The following TARS1 variants were observed in gnomAD, a reference collection of about 807,000 sequenced individuals.
TARS1 encodes threonine--tRNA ligase 1, cytoplasmic.
Under a neutral mutation model 97.7 loss-of-function variants are expected in TARS1, and 57 were observed. The observed-to-expected ratio is 0.58, with a 90% CI of 0.47 to 0.73. The LOEUF is 0.73. Ranked by LOEUF, TARS1 falls within the 30% of genes least tolerant of loss-of-function variation. The pLI, the probability that TARS1 is intolerant of heterozygous loss-of-function variation, is 0.00. For missense variants in TARS1, 806 were observed against 888.3 expected (o/e 0.91, Z 1.18); for synonymous variants, 312 against 293.7 (o/e 1.06, Z -0.64).
chr5:33,446,597 C>G (rs1374541623), intron 2 of TARS1: 3 of 1,054,192 alleles, frequency 2.8e-6, no homozygotes, highest in Non-Finnish European at 3.9e-6. Flanking sequence ...CCTTGGTCTT[C>G]CCCTCCAAGG....
At position 33,462,080 on chromosome 5, in the gene TARS1, A is replaced by AT. The variant is rs141407192; in HGVS notation, c.1731-9dup. On this transcript the variant is annotated intron_variant, in intron 15 of 18. Coordinates refer to ENST00000265112, the MANE Select transcript of TARS1 (RefSeq NM_152295.5). Reference sequence around the variant, plus strand: ...AAAATATATATAATAAGACAAAACAATTTTTTTTTTCTTTATAGCCATGAT... The same window carrying AT: ...AAAATATATATAATAAGACAAAACAATTTTTTTTTTTCTTTATAGCCATGAT... 7.3e-3 allele frequency: 11,156 copies of AT among 1,520,312 alleles called. 522 individuals are homozygous for AT. The African/African-American group carries it at 0.13, about 17-fold the overall frequency. The allele number at this position is 1,520,312 out of a possible 1,614,324, so 94.2% of individuals were successfully genotyped here.
Position 33,459,868 on chromosome 5 carries a change from G to A in TARS1, c.1250+7G>A, listed in dbSNP as rs1012103763. 2.2e-5 allele frequency: 35 copies of A among 1,601,688 alleles called. No individual in the cohort carries two copies. The highest frequency in any genetic ancestry group is 1.7e-4 in the Middle Eastern group (1 of 6,026). ...TGAACTGCCCAGGACACTGGTATTC[G>A]GCAGCTTTGAATTTCTACTGAAGAT... is the stretch of plus-strand genomic sequence containing the variant. On this transcript the variant is annotated splice_region_variant and intron_variant, in intron 11 of 18. Transcript: ENST00000265112.
At chr5:33,456,535 T>C (rs571919798) in intron 8 of TARS1, among the ~76,000 whole-genome samples, 11 of 152,378 alleles carry the variant, frequency 7.2e-5, no homozygotes, top group Non-Finnish European at 1.6e-4. Context: ...TTGCCCTTTA[T>C]ATGTCTAAAT....
rs1040683558 is a variant in TARS1, at chr5:33,453,191, CAA to C, written c.330-97_330-96del. 4.8e-6 allele frequency: 6 copies of C among 1,260,204 alleles called. No homozygotes were observed. In the African/African-American group the frequency reaches 8.1e-5, roughly 17 times the overall value. The allele number at this position is 1,260,204 out of a possible 1,614,324, so 78.1% of individuals were successfully genotyped here. A position where few individuals can be genotyped will look rare whatever the true frequency, so the allele number is the denominator to read the frequency against. ...ATAGAGATACATCAATATAAAAAAA[CAA>C]TATATAATAAAAATAGTGTTTATTT... On this transcript the variant is annotated intron_variant, in intron 3 of 18. Coordinates refer to ENST00000265112, the MANE Select transcript of TARS1 (RefSeq NM_152295.5).
chr5:33,443,320 C>CCTCTCTCTCTCTCTCTCT lies in TARS1; in HGVS notation c.58-1980_58-1963dup, dbSNP rs769681224. On this transcript the variant is annotated intron_variant, in intron 1 of 18. Coordinates refer to ENST00000265112, the MANE Select transcript of TARS1 (RefSeq NM_152295.5). ...TGTGGTGATTCCCTCTCTCTCTCTC[C>CCTCTCTCTCTCTCTCTCT]CTCTCTCTCTCTCTCTCTCTCTCTC... Among the ~76,000 whole-genome samples, 92 of 118,480 alleles carry CCTCTCTCTCTCTCTCTCT rather than the reference C, an allele frequency of 7.8e-4. 2 individuals carry two copies. Among genetic ancestry groups the CCTCTCTCTCTCTCTCTCT allele is most frequent in the African/African-American group, 1.6e-3 (49 of 31,484 alleles). The allele number at this position is 118,480 out of a possible 152,430, so 77.7% of individuals were successfully genotyped here. A position where few individuals can be genotyped will look rare whatever the true frequency, so the allele number is the denominator to read the frequency against.
chr5:33,448,475 C>T lies in TARS1; in HGVS notation c.139-66C>T. On this transcript the variant is annotated intron_variant, in intron 2 of 18. Coordinates refer to ENST00000265112, the MANE Select transcript of TARS1 (RefSeq NM_152295.5). ...CTGTATTGTTTTTATTATTTCTTTC[C>T]CATTTCTAAATAGGAAAGCAATATT... 5 of 1,325,480 alleles carry T rather than the reference C, an allele frequency of 3.8e-6. No homozygotes were observed. The South Asian group carries it at 4.9e-5, about 13-fold the overall frequency. 82.1% of individuals were successfully genotyped at this position (1,325,480 alleles called of 1,614,324 possible).
chr5:33,462,300 A>G (rs1161760752), intron 16 of TARS1, 97 bp downstream of exon 16: 15 of 1,132,560 alleles, frequency 1.3e-5, no homozygotes, highest in Non-Finnish European at 1.8e-5. Context: ...AGGGAGAATG[A>G]TTCCAATCGG....
upstream of TARS1, chr5:33,440,866 G>A (rs1741048135): frequency 5.3e-6 from 3 of 570,930 alleles, no homozygotes; most frequent in South Asian, 4.5e-5. Flanking sequence ...CACCCGAAAA[G>A]ATTTTCCACT....
At position 33,462,221 on chromosome 5, in the gene TARS1, C is replaced by CT. The variant is rs749080098; in HGVS notation, c.1835+26dup. The CT allele has an allele frequency of 9.4e-6, 15 of 1,595,610 alleles. No individual in the cohort carries two copies. Among genetic ancestry groups the CT allele is most frequent in the South Asian group, 3.4e-5 (3 of 89,442 alleles). On this transcript the variant is annotated intron_variant, in intron 16 of 18. Transcript: ENST00000265112. ...GGCAAATGGTAATTTTTGTCACTGT[C>CT]TTTTTTTTCTGATTAGTATAAATTG...
intron 1 of TARS1, 116 bp downstream of exon 1, chr5:33,441,259 G>A (rs1031294689): frequency 2.4e-6 from 3 of 1,231,834 alleles, no homozygotes; most frequent in East Asian, 4.7e-5. Context: ...CGCGTGGGTC[G>A]GAGAAGTGGG....
At chr5:33,447,722 G>A (rs1328151565) in intron 2 of TARS1, among the ~76,000 whole-genome samples, 1 of 152,212 alleles carries the variant, frequency 6.6e-6, no homozygotes, top group Non-Finnish European at 1.5e-5. Flanking sequence ...TTCATTTGAA[G>A]ATAGAAAGTC....
At chr5:33,453,553 C>T (rs1561072561) in intron 4 of TARS1, 141 bp downstream of exon 4, 1 of 1,139,770 alleles carries the variant, frequency 8.8e-7, no homozygotes, top group African/African-American at 1.6e-5. Context: ...TTTTGTCCTT[C>T]ATTTAGGGAA....
At chr5:33,463,212 G>A (rs1168321147) in intron 16 of TARS1, among the ~76,000 whole-genome samples, 2 of 152,174 alleles carry the variant, frequency 1.3e-5, no homozygotes, top group Non-Finnish European at 2.9e-5. Context: ...TTTGACACTT[G>A]TATTGCTTCA....
At chr5:33,453,521 A>T in intron 4 of TARS1, 109 bp downstream of exon 4, 1 of 1,356,978 alleles carries the variant, frequency 7.4e-7, no homozygotes, top group Non-Finnish European at 1.0e-6. Context: ...TTGTTGTCTC[A>T]CTGTCATATT....
At chr5:33,467,476 A>T in intron 18 of TARS1, 84 bp from the exon 19 acceptor site, 2 of 1,509,648 alleles carry the variant, frequency 1.3e-6, no homozygotes, top group Non-Finnish European at 1.8e-6. Context: ...TTTGGGTCCT[A>T]GGATCATTTC....
At position 33,455,075 on chromosome 5, in the gene TARS1, T is replaced by A. The variant is rs1417996742; in HGVS notation, c.575+9T>A. ...ATGTACCTCGAAGAAGGGTAAGCCA[T>A]CAACTAGATAAAGAAAACTGAAGTC... On this transcript the variant is annotated intron_variant, in intron 5 of 18. Coordinates refer to ENST00000265112, the MANE Select transcript of TARS1 (RefSeq NM_152295.5). The A allele has an allele frequency of 1.2e-6, 2 of 1,612,852 alleles. No individual in the cohort carries two copies.
At chr5:33,454,562 G>A (rs1159031336) in intron 4 of TARS1, among the ~76,000 whole-genome samples, 3 of 152,228 alleles carry the variant, frequency 2.0e-5, no homozygotes, top group Non-Finnish European at 2.9e-5. Context: ...CCAGATCACA[G>A]TGTCTGAGAC....
In TARS1 at chr5:33,452,203, G is replaced by GTAAAGGGTGTATACTT. The variant is rs1741778398; in HGVS notation, c.330-1084_330-1069dup. The stretch of plus-strand genomic sequence containing the variant: ...GGTAGGTTTCTTTGAGATTTACAGT[G>GTAAAGGGTGTATACTT]TAAAGGGTGTATACTTTTTCTTCAC... On this transcript the variant is annotated intron_variant, in intron 3 of 18. Coordinates refer to ENST00000265112, the MANE Select transcript of TARS1 (RefSeq NM_152295.5). 3 of 683,872 alleles carry GTAAAGGGTGTATACTT rather than the reference G, an allele frequency of 4.4e-6. No homozygotes were observed. In the Admixed American group the frequency reaches 7.0e-5, roughly 16 times the overall value. The allele number at this position is 683,872 out of a possible 1,614,324, so 42.4% of individuals were successfully genotyped here. A position where few individuals can be genotyped will look rare whatever the true frequency, so the allele number is the denominator to read the frequency against.
intron 17 of TARS1, among the ~76,000 whole-genome samples, chr5:33,465,322 C>T (rs908939433): frequency 6.6e-6 from 1 of 152,120 alleles, no homozygotes; most frequent in Non-Finnish European, 1.5e-5. Flanking sequence ...TCCCCATTTC[C>T]CTTTGCGGGT....
Sources: allele counts gnomAD v4.1 joint callset (sites outside exome capture counted in the v4.1 genomes callset), GRCh38; gene constraint gnomAD v4.1.1; transcripts MANE v1.5; gene names NCBI Gene and HGNC (gene_info 2026-07-23, HGNC 2026-07-21).